The following SLC10A7 variants were observed in gnomAD, a reference collection of about 807,000 sequenced individuals.
The protein encoded by SLC10A7 is sodium/bile acid cotransporter 7.
In SLC10A7, 29 loss-of-function variants were observed where a neutral mutation model predicts 43.2. The ratio of observed to expected loss-of-function variants is 0.67; its 90% CI spans 0.50 to 0.92. SLC10A7 has a LOEUF of 0.92. Among genes scored for constraint, SLC10A7 ranks in the 40% least tolerant of loss-of-function variants. The probability of loss-of-function intolerance (pLI) is 0.00; values close to 1 mark genes in which losing one functional copy is unlikely to be tolerated. For missense variants in SLC10A7, 295 were observed against 403.2 expected (o/e 0.73, Z 2.30); for synonymous variants, 152 against 144.8 (o/e 1.05, Z -0.35).
intron 5 of SLC10A7, among the ~76,000 whole-genome samples, chr4:146,425,801 T>C (rs937750685): frequency 6.6e-6 from 1 of 152,166 alleles, no homozygotes; most frequent in East Asian, 1.9e-4. Context: ...CTGGTCCAAA[T>C]GATGGACATG....
intron 7 of SLC10A7, among the ~76,000 whole-genome samples, chr4:146,301,497 A>G (rs148886500): frequency 2.5e-4 from 38 of 152,200 alleles, no homozygotes; most frequent in Non-Finnish European, 5.0e-4. Flanking sequence ...AATAATATGA[A>G]TTGATTTGTG....
intron 7 of SLC10A7, among the ~76,000 whole-genome samples, chr4:146,302,815 C>T (rs1014707166): frequency 1.3e-5 from 2 of 152,152 alleles, no homozygotes; most frequent in Non-Finnish European, 2.9e-5. Flanking sequence ...TAATTAAATG[C>T]TATTCTTAAA....
chr4:146,517,984 T>G (rs990562866), intron 1 of SLC10A7, among the ~76,000 whole-genome samples: 3 of 152,314 alleles, frequency 2.0e-5, no homozygotes, highest in Admixed American at 6.5e-5. Flanking sequence ...ACCGTAATTA[T>G]TATTAAATTG....
At chr4:146,449,706 C>T (rs1246071094) in intron 4 of SLC10A7, among the ~76,000 whole-genome samples, 1 of 152,074 alleles carries the variant, frequency 6.6e-6, no homozygotes, top group African/African-American at 2.4e-5. Flanking sequence ...ACAACAAAAA[C>T]AGTGAAACAG....
intron 5 of SLC10A7, among the ~76,000 whole-genome samples, chr4:146,416,696 C>T (rs1362503709): frequency 6.6e-6 from 1 of 152,172 alleles, no homozygotes; most frequent in Non-Finnish European, 1.5e-5. Flanking sequence ...GAACTCAGAA[C>T]TTACAAATGT....
intron 5 of SLC10A7, among the ~76,000 whole-genome samples, chr4:146,341,313 T>G (rs908319022): frequency 1.3e-5 from 2 of 151,732 alleles, no homozygotes; most frequent in African/African-American, 2.4e-5. Flanking sequence ...ATAACTGAGT[T>G]CCAAATATAG....
chr4:146,433,351 A>T (rs1729940932), intron 5 of SLC10A7, among the ~76,000 whole-genome samples: 1 of 151,756 alleles, frequency 6.6e-6, no homozygotes, highest in South Asian at 2.1e-4. Flanking sequence ...CTTTGAAACC[A>T]AAGTAACCAT....
intron 4 of SLC10A7, among the ~76,000 whole-genome samples, chr4:146,472,998 C>T (rs1452937298): frequency 6.6e-6 from 1 of 152,182 alleles, no homozygotes; most frequent in East Asian, 1.9e-4. Flanking sequence ...TCTAAAGATT[C>T]CTCAATCAAT....
intron 5 of SLC10A7, among the ~76,000 whole-genome samples, chr4:146,375,451 A>T (rs1161748554): frequency 6.6e-6 from 1 of 152,084 alleles, no homozygotes; most frequent in Non-Finnish European, 1.5e-5. Context: ...TTACTCCTAA[A>T]TGTTACTCCT....
At chr4:146,419,420 C>A (rs1728802047) in intron 5 of SLC10A7, among the ~76,000 whole-genome samples, 1 of 152,202 alleles carries the variant, frequency 6.6e-6, no homozygotes, top group Non-Finnish European at 1.5e-5. Flanking sequence ...CTTAATTTCA[C>A]TAATTTAATT....
At chr4:146,335,613 A>G (rs1733843520) in intron 5 of SLC10A7, among the ~76,000 whole-genome samples, 1 of 152,054 alleles carries the variant, frequency 6.6e-6, no homozygotes, top group African/African-American at 2.4e-5. Flanking sequence ...AGACCAACCC[A>G]GTTGATATTG....
At chr4:146,327,635 A>G (rs1733227509) in intron 5 of SLC10A7, among the ~76,000 whole-genome samples, 1 of 152,264 alleles carries the variant, frequency 6.6e-6, no homozygotes, top group Admixed American at 6.5e-5. Flanking sequence ...GGCTCATCCA[A>G]GAGATTCAAG....
At chr4:146,321,819 T>G (rs534359487) in intron 6 of SLC10A7, among the ~76,000 whole-genome samples, 1 of 152,264 alleles carries the variant, frequency 6.6e-6, no homozygotes, top group East Asian at 1.9e-4. Context: ...TGCTCATTAT[T>G]TGCTCAGTAA....
intron 4 of SLC10A7, among the ~76,000 whole-genome samples, chr4:146,443,808 C>A (rs1401207764): frequency 2.0e-5 from 3 of 152,194 alleles, no homozygotes; most frequent in Non-Finnish European, 4.4e-5. Flanking sequence ...GTAATGAGAT[C>A]CTCGGCTCCA....
intron 5 of SLC10A7, among the ~76,000 whole-genome samples, chr4:146,376,563 G>A (rs953615258): frequency 2.0e-5 from 3 of 152,070 alleles, no homozygotes; most frequent in Non-Finnish European, 4.4e-5. Flanking sequence ...GGGATGGTTG[G>A]TCCCCAGCCG....
At chr4:146,503,766 C>T in intron 4 of SLC10A7, 83 bp downstream of exon 4, 1 of 1,326,278 alleles carries the variant, frequency 7.5e-7, no homozygotes, top group Non-Finnish European at 1.1e-6. Flanking sequence ...AACATCAACC[C>T]TTCATGTCCA....
Position 146,256,520 on chromosome 4 carries a change from C to T in SLC10A7, c.994G>A (p.Gly332Arg), listed in dbSNP as rs1560737595. 1 of 1,613,950 alleles carries T rather than the reference C, an allele frequency of 6.2e-7. No individual in the cohort carries two copies. The part of the protein sequence containing the change: ...IKSWMVSRQK[G>R]VKLTRPTV ...ACTGTCGGCCTTGTCAGCTTCACTC[C>T]CTACAAGGAAGGAAAACATGTTCAG... Residue 332 changes from glycine to arginine, a missense_variant and splice_region_variant, in exon 12 of 12, where the codon GGA (glycine) becomes AGA (arginine). Transcript: ENST00000335472.
intron 10 of SLC10A7, among the ~76,000 whole-genome samples, chr4:146,279,400 A>C (rs1729405434): frequency 6.6e-6 from 1 of 152,190 alleles, no homozygotes; most frequent in South Asian, 2.1e-4. Flanking sequence ...TCTTGGATCT[A>C]ATTTCTTTCT....
intron 9 of SLC10A7, among the ~76,000 whole-genome samples, chr4:146,283,524 T>C (rs1412451795): frequency 6.6e-6 from 1 of 152,100 alleles, no homozygotes; most frequent in Non-Finnish European, 1.5e-5. Flanking sequence ...AATCAGCCCC[T>C]GGAGCAGGAC....
Sources: gnomAD v4.1 joint callset for allele counts (sites outside exome capture counted in the v4.1 genomes callset) on GRCh38, gnomAD v4.1.1 for gene constraint, MANE v1.5 for transcripts, NCBI Gene and HGNC (gene_info 2026-07-23, HGNC 2026-07-21) for gene names.